The following UNC45B variants were observed in gnomAD, a reference collection of about 807,000 sequenced individuals.
UNC45B encodes protein unc-45 homolog B.
UNC45B carries 78 observed loss-of-function variants against 98.7 expected under a neutral mutation model. The ratio of observed to expected loss-of-function variants is 0.79; its 90% confidence interval spans 0.66 to 0.95. The LOEUF (loss-of-function observed/expected upper bound fraction) is 0.95, where lower values mean the gene tolerates loss of function less well. Ranked by LOEUF, UNC45B falls within the 40% of genes least tolerant of loss-of-function variation. The pLI is 0.00. For missense variants in UNC45B, 1,225 were observed against 1,184.9 expected (o/e 1.03, Z -0.50); for synonymous variants, 462 against 480.4 (o/e 0.96, Z 0.50).
chr17:35,165,145 TC>T (rs1567759968), intron 9 of UNC45B, among the ~76,000 whole-genome samples: 2 of 152,308 alleles, frequency 1.3e-5, no homozygotes, highest in African/African-American at 4.8e-5. Context: ...ATTACAGGCA[TC>T]AACTACCTTG....
intron 19 of UNC45B, among the ~76,000 whole-genome samples, chr17:35,185,043 C>T (rs1033423516): frequency 6.6e-6 from 1 of 152,208 alleles, no homozygotes; most frequent in East Asian, 1.9e-4. Flanking sequence ...ATCAGTTACA[C>T]TTCAGCGTAG....
At chr17:35,171,556 CG>C in intron 13 of UNC45B, 94 bp downstream of exon 13, 1 of 1,499,796 alleles carries the variant, frequency 6.7e-7, no homozygotes, top group Non-Finnish European at 9.0e-7. Flanking sequence ...AGGAGTGGCA[CG>C]GTGTGTGTTT....
At position 35,186,583 on chromosome 17, in the gene UNC45B, G is replaced by A. The variant is rs759341870; in HGVS notation, c.*24G>A. The A allele has an allele frequency of 3.1e-6, 5 of 1,612,538 alleles. No homozygotes were observed. Among genetic ancestry groups the A allele is most frequent in the Non-Finnish European group, 8.5e-7 (1 of 1,179,248 alleles). ...AGACAGCGACCCTCAGGGATGCTGG[G>A]AGTGGTCCTGTACTGTGCAGAGTCC... On this transcript the variant is annotated 3_prime_UTR_variant, in exon 20 of 20. Transcript: ENST00000394570.
At chr17:35,166,476 T>G (rs1332516008) in intron 9 of UNC45B, among the ~76,000 whole-genome samples, 1 of 152,156 alleles carries the variant, frequency 6.6e-6, no homozygotes, top group African/African-American at 2.4e-5. Context: ...GTCATCCAGC[T>G]AGTTCTTGTT....
intron 13 of UNC45B, among the ~76,000 whole-genome samples, chr17:35,173,998 A>G (rs1358158226): frequency 6.6e-6 from 1 of 151,732 alleles, no homozygotes; most frequent in East Asian, 1.9e-4. Flanking sequence ...TTTTCAGTAG[A>G]GACAGGGTTT....
chr17:35,182,501 C>G (rs1234180782), intron 18 of UNC45B, among the ~76,000 whole-genome samples: 1 of 152,126 alleles, frequency 6.6e-6, no homozygotes, highest in Admixed American at 6.5e-5. Flanking sequence ...AATGGGGAGA[C>G]AGACTGAGGG....
At chr17:35,172,843 C>T (rs1028328706) in intron 13 of UNC45B, among the ~76,000 whole-genome samples, 11 of 152,136 alleles carry the variant, frequency 7.2e-5, no homozygotes, top group Non-Finnish European at 1.3e-4. Context: ...AAACAATATA[C>T]GCATCATTTA....
chr17:35,180,679 G>A lies in UNC45B; in HGVS notation c.2373+3G>A. On this transcript the variant is annotated splice_donor_region_variant and intron_variant, in intron 18 of 19. Coordinates refer to ENST00000394570, the MANE Select transcript of UNC45B (RefSeq NM_001267052.2). ...GCAACATGGTGCTCCACAAGGAGGTGAGGCAGGGGCTCAGGATGGAGACCC... is the reference window on the plus strand; with the variant it reads ...GCAACATGGTGCTCCACAAGGAGGTAAGGCAGGGGCTCAGGATGGAGACCC... 1 of 1,612,128 alleles carries A rather than the reference G, an allele frequency of 6.2e-7. No individual in the cohort carries two copies. Among genetic ancestry groups the A allele is most frequent in the Non-Finnish European group, 8.5e-7 (1 of 1,179,018 alleles).
At position 35,183,533 on chromosome 17, in the gene UNC45B, C is replaced by T; in HGVS notation, c.2480C>T (p.Ala827Val). 6.2e-7 allele frequency: 1 copy of T among 1,601,104 alleles called. No homozygotes were observed. The highest frequency in any genetic ancestry group is 8.5e-7 in the Non-Finnish European group (1 of 1,173,146). The change falls in exon 19 of 20, where the codon GCC (alanine) becomes GTC (valine). Residue 827 changes from alanine to valine, a missense_variant. By Grantham distance (64) the Ala-to-Val change is moderately conservative. Coordinates refer to ENST00000394570, the MANE Select transcript of UNC45B (RefSeq NM_001267052.2). ...CAGAATGCGGCTGCAGGGGCTCTGG[C>T]CATGCTGACAGCAGCACACAAGAAA... ...KVQNAAAGAL[A>V]MLTAAHKKLC...
intron 19 of UNC45B, 79 bp from the exon 20 acceptor site, chr17:35,186,220 A>G: frequency 2.6e-6 from 4 of 1,565,782 alleles, no homozygotes; most frequent in Non-Finnish European, 3.5e-6. Context: ...TTGCCACACC[A>G]GGGACCACAT....
At chr17:35,152,866 C>A in intron 4 of UNC45B, 27 bp from the exon 5 acceptor site, 1 of 1,600,440 alleles carries the variant, frequency 6.2e-7, no homozygotes, top group Non-Finnish European at 8.6e-7. Flanking sequence ...CACCTGCCTC[C>A]TTCCCCACTC....
intron 4 of UNC45B, chr17:35,151,259 C>A: frequency 4.4e-6 from 1 of 225,198 alleles, no homozygotes. Flanking sequence ...AGGTCGCGGG[C>A]CTCGATCAGA....
chr17:35,161,494 T>A (rs1368979779), intron 8 of UNC45B, among the ~76,000 whole-genome samples: 3 of 151,956 alleles, frequency 2.0e-5, no homozygotes, highest in African/African-American at 7.3e-5. Flanking sequence ...GAGATGAGAT[T>A]GGAGAGGGGC....
intron 19 of UNC45B, 30 bp from the exon 20 acceptor site, chr17:35,186,269 C>T (rs903182496): frequency 1.2e-6 from 2 of 1,610,134 alleles, no homozygotes; most frequent in African/African-American, 1.3e-5. Context: ...TCAAACCTAG[C>T]ACCTTCCTTA....
Position 35,177,599 on chromosome 17 carries a change from T to A in UNC45B, c.2244T>A (p.Ser748Arg). The change falls in exon 17 of 20, where the codon AGT becomes AGA. Residue 748 changes from serine to arginine, a missense_variant. Coordinates refer to ENST00000394570, the MANE Select transcript of UNC45B (RefSeq NM_001267052.2). ...LLGLTNLSGRSDKLRQKIFKE... is the reference protein window; with the variant it reads ...LLGLTNLSGRRDKLRQKIFKE... The stretch of plus-strand genomic sequence containing the variant: ...GCCTCACCAACCTGTCTGGGCGGAG[T>A]GACAAACTCCGGTGAGTGTGGTGAG... 2 of 1,554,232 alleles carry A rather than the reference T, an allele frequency of 1.3e-6. No homozygotes were observed.
At chr17:35,155,612 G>A (rs1008571655) in intron 7 of UNC45B, 148 bp downstream of exon 7, 14 of 828,164 alleles carry the variant, frequency 1.7e-5, no homozygotes, top group Non-Finnish European at 2.3e-5. Flanking sequence ...GTCTTACTCT[G>A]TCACCCAGGC....
intron 18 of UNC45B, 24 bp downstream of exon 18, chr17:35,180,700 G>A (rs766030059): frequency 1.7e-5 from 27 of 1,596,986 alleles, no homozygotes; most frequent in Non-Finnish European, 2.2e-5. Context: ...TCAGGATGGA[G>A]ACCCGGGCGT....
At chr17:35,148,234 G>T in intron 1 of UNC45B, 30 bp from the exon 2 acceptor site, 1 of 1,613,022 alleles carries the variant, frequency 6.2e-7, no homozygotes, top group South Asian at 1.1e-5. Context: ...GTGAGGGGCT[G>T]ACCAGACAGA....
intron 13 of UNC45B, among the ~76,000 whole-genome samples, chr17:35,173,125 CTTTTT>C (rs11428951): frequency 2.4e-5 from 3 of 126,156 alleles, no homozygotes; most frequent in Non-Finnish European, 3.2e-5. Flanking sequence ...AATTTTTATA[CTTTTT>C]TTTTTTTTTT....
Sources: allele counts gnomAD v4.1 joint callset (sites outside exome capture counted in the v4.1 genomes callset), GRCh38; gene constraint gnomAD v4.1.1; transcripts MANE v1.5; gene names NCBI Gene and HGNC (gene_info 2026-07-23, HGNC 2026-07-21).